UGT1A9: variants seen among roughly 807,000 people sequenced by gnomAD.
The protein encoded by UGT1A9 is UDP glucuronosyltransferase family 1 member A9.
A neutral mutation model predicts 45.0 loss-of-function variants in UGT1A9; 35 were observed. That is an observed-to-expected ratio of 0.78 (90% CI 0.59 to 1.03). The LOEUF is 1.03. Ranked by LOEUF, UGT1A9 falls within the 50% of genes least tolerant of loss-of-function variation. UGT1A9 has a pLI of 0.00. For synonymous variants in UGT1A9, 278 were observed against 250.6 expected (o/e 1.11, Z -1.03); for missense variants, 687 against 666.6 (o/e 1.03, Z -0.34).
intron 1 of UGT1A9, chr2:233,717,818 C>G (rs565320763): frequency 4.4e-6 from 2 of 455,640 alleles, no homozygotes; most frequent in Non-Finnish European, 8.8e-6. Context: ...TTATGCAGCC[C>G]GTTCTGTTCT....
chr2:233,754,909 T>C (rs754885290), intron 1 of UGT1A9: 1 of 1,353,004 alleles, frequency 7.4e-7, no homozygotes, highest in Non-Finnish European at 9.9e-7. Flanking sequence ...CCCAAAATAT[T>C]CTCCAGCGGG....
chr2:233,752,826 C>T (rs372866711), intron 1 of UGT1A9, among the ~76,000 whole-genome samples: 1 of 152,184 alleles, frequency 6.6e-6, no homozygotes, highest in East Asian at 1.9e-4. Context: ...TTTATGACAT[C>T]AGTAATCTAG....
At chr2:233,720,348 T>C (rs1265455375) in intron 1 of UGT1A9, among the ~76,000 whole-genome samples, 1 of 152,042 alleles carries the variant, frequency 6.6e-6, no homozygotes, top group African/African-American at 2.4e-5. Flanking sequence ...GGTATGGTGA[T>C]GGTTGCATGT....
intron 1 of UGT1A9, among the ~76,000 whole-genome samples, chr2:233,751,256 G>C (rs772853409): frequency 1.3e-5 from 2 of 151,926 alleles, no homozygotes; most frequent in South Asian, 4.1e-4. Context: ...CATGGGGCCT[G>C]TAGCCCCCTT....
At chr2:233,697,949 A>G (rs2075419607) in intron 1 of UGT1A9, among the ~76,000 whole-genome samples, 1 of 152,244 alleles carries the variant, frequency 6.6e-6, no homozygotes, top group Non-Finnish European at 1.5e-5. Flanking sequence ...AGTAAATGAA[A>G]GCTATTTATT....
chr2:233,689,996 C>A, intron 1 of UGT1A9: 1 of 450,728 alleles, frequency 2.2e-6, no homozygotes, highest in Non-Finnish European at 4.4e-6. Flanking sequence ...GGGATTCTCA[C>A]TTCATCTCAC....
chr2:233,706,252 G>A (rs2075898145), intron 1 of UGT1A9, among the ~76,000 whole-genome samples: 1 of 152,200 alleles, frequency 6.6e-6, no homozygotes, highest in African/African-American at 2.4e-5. Flanking sequence ...AGAGAACCAG[G>A]GCAGCTGGAT....
intron 1 of UGT1A9, among the ~76,000 whole-genome samples, chr2:233,761,536 A>G (rs1039884807): frequency 6.6e-6 from 1 of 152,248 alleles, no homozygotes; most frequent in Non-Finnish European, 1.5e-5. Context: ...TGATGAAATC[A>G]TTCTTTGATG....
intron 1 of UGT1A9, chr2:233,713,949 T>C: frequency 1.2e-6 from 2 of 1,609,382 alleles, no homozygotes; most frequent in South Asian, 2.2e-5. Flanking sequence ...TATCTACTTA[T>C]CTTTCCAAAG....
intron 1 of UGT1A9, chr2:233,739,155 A>C (rs182453819): frequency 1.1e-4 from 17 of 152,364 alleles, no homozygotes; most frequent in Admixed American, 3.9e-4. Flanking sequence ...CCTCCACATA[A>C]ATTTTAGAGG....
At chr2:233,766,428 A>G (rs1336103880) in intron 1 of UGT1A9, among the ~76,000 whole-genome samples, 1 of 152,116 alleles carries the variant, frequency 6.6e-6, no homozygotes, top group African/African-American at 2.4e-5. Context: ...CCCGATGTCC[A>G]GCTACCTGTG....
intron 1 of UGT1A9, among the ~76,000 whole-genome samples, chr2:233,707,927 A>G (rs1373528154): frequency 6.6e-6 from 1 of 152,184 alleles, no homozygotes; most frequent in Non-Finnish European, 1.5e-5. Context: ...TTTAAAATAT[A>G]CTTATCAGTC....
Position 233,672,668 on chromosome 2 carries a change from A to G in UGT1A9, c.734A>G (p.Tyr245Cys). Reference protein sequence around the residue: ...LQTPVTEYDLYSHTSIWLLRT... With the variant: ...LQTPVTEYDLCSHTSIWLLRT... ...ACACCTGTTACGGAGTATGATCTCT[A>G]CAGCCACACATCAATTTGGTTGTTG... Residue 245 changes from tyrosine to cysteine, a missense_variant, in exon 1 of 5, where the codon TAC becomes TGC. By Grantham distance (194) the Tyr-to-Cys change is radical (BLOSUM62 -2). Coordinates refer to ENST00000354728, the MANE Select transcript of UGT1A9 (RefSeq NM_021027.3). The G allele has an allele frequency of 1.2e-6, 2 of 1,613,924 alleles. No homozygotes were observed. The highest frequency in any genetic ancestry group is 1.3e-5 in the African/African-American group (1 of 75,030).
chr2:233,738,734 C>G (rs1273987564), intron 1 of UGT1A9, among the ~76,000 whole-genome samples: 1 of 152,148 alleles, frequency 6.6e-6, no homozygotes, highest in Non-Finnish European at 1.5e-5. Context: ...AAATTTGCAG[C>G]CTGACCATGT....
chr2:233,758,436 A>T (rs532506840), intron 1 of UGT1A9, among the ~76,000 whole-genome samples: 9 of 152,370 alleles, frequency 5.9e-5, no homozygotes, highest in African/African-American at 1.9e-4. Context: ...CTCACACAGC[A>T]TTGGGACTTT....
At chr2:233,685,050 C>T (rs1446648716) in intron 1 of UGT1A9, among the ~76,000 whole-genome samples, 3 of 151,600 alleles carry the variant, frequency 2.0e-5, no homozygotes, top group Non-Finnish European at 2.9e-5. Flanking sequence ...TGTGCAATGT[C>T]TTAAGCTCTG....
At chr2:233,697,699 A>G (rs183919880) in intron 1 of UGT1A9, among the ~76,000 whole-genome samples, 2 of 152,092 alleles carry the variant, frequency 1.3e-5, no homozygotes, top group Admixed American at 1.3e-4. Flanking sequence ...TTTTGGATGT[A>G]GGCATTTATT....
chr2:233,759,778 A>G (rs2125976593), intron 1 of UGT1A9, among the ~76,000 whole-genome samples: 1 of 152,308 alleles, frequency 6.6e-6, no homozygotes, highest in South Asian at 2.1e-4. Flanking sequence ...TGTTGGACGA[A>G]GGAATGAAAC....
At chr2:233,743,804 T>C (rs1692519610) in intron 1 of UGT1A9, 4 of 1,367,166 alleles carry the variant, frequency 2.9e-6, no homozygotes, top group Non-Finnish European at 2.9e-6. Context: ...TTCCTCCTTG[T>C]TCTCAGGGTT....
Sources: allele counts gnomAD v4.1 joint callset (sites outside exome capture counted in the v4.1 genomes callset), GRCh38; gene constraint gnomAD v4.1.1; transcripts MANE v1.5; gene names NCBI Gene and HGNC (gene_info 2026-07-23, HGNC 2026-07-21).